Variants in TNKS observed in about 807,000 individuals in gnomAD.
TNKS encodes the protein tankyrase.
TNKS carries 72 observed loss-of-function variants against 135.8 expected under a neutral mutation model. The observed-to-expected ratio is 0.53, with a 90% CI of 0.44 to 0.64. TNKS has a LOEUF of 0.64. TNKS is among the 30% of genes least tolerant of loss of function. The probability of loss-of-function intolerance (pLI) is 0.00; values close to 1 mark genes in which losing one functional copy is unlikely to be tolerated. For synonymous variants in TNKS, 849 were observed against 649.3 expected (o/e 1.31, Z -4.68); for missense variants, 1,769 against 1,674.0 (o/e 1.06, Z -0.99).
chr8:9,735,452 G>A lies in TNKS; in HGVS notation c.2609G>A (p.Gly870Asp). The A allele has an allele frequency of 6.2e-7, 1 of 1,614,062 alleles. No homozygotes were observed. The highest frequency in any genetic ancestry group is 2.2e-5 in the East Asian group (1 of 44,860). ...GATGTTAATGCCCAGGACAAGGGTGGTTTAATTCCTCTTCATAATGCGGCA... is the reference window on the plus strand; with the variant it reads ...GATGTTAATGCCCAGGACAAGGGTGATTTAATTCCTCTTCATAATGCGGCA... Reference protein sequence around the residue: ...GADVNAQDKGGLIPLHNAASY... With the variant: ...GADVNAQDKGDLIPLHNAASY... The change falls in exon 17 of 27, where the codon GGT becomes GAT. Residue 870 changes from glycine (G) to aspartate (D), a missense_variant. By Grantham distance (94) the Gly-to-Asp change is moderately conservative (BLOSUM62 -1). This residue lies in a region of TNKS where 722 missense variants were observed against 688.9 expected (regional missense o/e 1.05). Coordinates refer to ENST00000310430, the MANE Select transcript of TNKS (RefSeq NM_003747.3).
chr8:9,676,494 T>A (rs990154023), intron 3 of TNKS, among the ~76,000 whole-genome samples: 1 of 152,234 alleles, frequency 6.6e-6, no homozygotes, highest in Admixed American at 6.5e-5. Context: ...GATAAGTCAG[T>A]AATCATGACT....
intron 3 of TNKS, among the ~76,000 whole-genome samples, chr8:9,621,594 G>A (rs1453175798): frequency 3.3e-5 from 5 of 151,786 alleles, no homozygotes; most frequent in African/African-American, 1.2e-4. Context: ...GCTTATTTTT[G>A]TTTTTTTCTT....
At chr8:9,576,675 C>T (rs1375740079) in intron 1 of TNKS, among the ~76,000 whole-genome samples, 3 of 151,992 alleles carry the variant, frequency 2.0e-5, no homozygotes, top group Admixed American at 6.5e-5. Context: ...AATCACTTCC[C>T]ACCAGGCCCC....
chr8:9,765,773 C>G lies in TNKS; in HGVS notation c.3529C>G (p.His1177Asp). Residue 1177 changes from histidine (H) to aspartate (D), a missense_variant, in exon 24 of 27, where the codon CAC becomes GAC. Around this residue, in one of 5 missense-constraint regions of TNKS, gnomAD observed 722 missense variants for 688.9 expected, o/e 1.05. Transcript: ENST00000310430. ...KEVSEENHNH[H>D]NERMLFHGSP... Reference sequence around the variant, plus strand: ...AGTGTCTGAGGAGAATCACAACCATCACAATGAGCGCATGTTGTTTCATGG... The same window carrying G: ...AGTGTCTGAGGAGAATCACAACCATGACAATGAGCGCATGTTGTTTCATGG... 1 of 1,613,928 alleles carries G rather than the reference C, an allele frequency of 6.2e-7. No homozygotes were observed.
At chr8:9,556,877 A>G in intron 1 of TNKS, 1 of 568,192 alleles carries the variant, frequency 1.8e-6, no homozygotes, top group Non-Finnish European at 3.1e-6. Flanking sequence ...GTCTCTGCAT[A>G]TGGATATATT....
Position 9,706,950 on chromosome 8 carries a change from GTGC to G in TNKS, c.1412_1414del (p.Ala471del). ...ACATTAGTCAACTGCCATGGCAAAA[GTGC>G]TGTGGATATGGCTCCAACTCCGGAG... is the stretch of plus-strand genomic sequence containing the variant. On this transcript the variant is annotated inframe_deletion, in exon 8 of 27. Transcript: ENST00000310430. 1 of 1,613,200 alleles carries G rather than the reference GTGC, an allele frequency of 6.2e-7. No individual in the cohort carries two copies. Among genetic ancestry groups the G allele is most frequent in the Non-Finnish European group, 8.5e-7 (1 of 1,179,660 alleles).
intron 3 of TNKS, among the ~76,000 whole-genome samples, chr8:9,677,794 G>A (rs1802607098): frequency 6.6e-6 from 1 of 152,052 alleles, no homozygotes; most frequent in Non-Finnish European, 1.5e-5. Context: ...TTTCTTCTCT[G>A]TCTCGTCCAT....
chr8:9,719,572 A>G (rs550557094), intron 11 of TNKS, among the ~76,000 whole-genome samples: 21 of 152,314 alleles, frequency 1.4e-4, no homozygotes, highest in African/African-American at 5.1e-4. Context: ...CTTCTTGGAG[A>G]TGAGGAGACT....
chr8:9,617,176 A>G (rs927006137), intron 3 of TNKS, among the ~76,000 whole-genome samples: 1 of 152,226 alleles, frequency 6.6e-6, no homozygotes, highest in South Asian at 2.1e-4. Context: ...CTATATCCTA[A>G]TTTGTAATGA....
intron 18 of TNKS, among the ~76,000 whole-genome samples, 197 bp downstream of exon 18, chr8:9,748,409 T>G (rs1806353336): frequency 6.6e-6 from 1 of 152,246 alleles, no homozygotes; most frequent in East Asian, 1.9e-4. Context: ...GTAAGTTAAT[T>G]TAATTTTTTG....
chr8:9,661,368 A>C (rs980455662), intron 3 of TNKS, among the ~76,000 whole-genome samples: 26 of 152,338 alleles, frequency 1.7e-4, no homozygotes, highest in Non-Finnish European at 3.1e-4. Context: ...ACAGCATGGT[A>C]CTGGTACCAA....
chr8:9,565,760 G>C, intron 1 of TNKS, among the ~76,000 whole-genome samples: 1 of 152,064 alleles, frequency 6.6e-6, no homozygotes, highest in Admixed American at 6.5e-5. Context: ...GGGAGGCTGA[G>C]GCAGGAGAAT....
chr8:9,639,517 GC>G (rs1254933337), intron 3 of TNKS, among the ~76,000 whole-genome samples: 1 of 143,810 alleles, frequency 7.0e-6, no homozygotes, highest in East Asian at 2.1e-4. Context: ...GTTTATCTAA[GC>G]CTTTTTTTTT....
chr8:9,668,522 T>C (rs76988435), intron 3 of TNKS, among the ~76,000 whole-genome samples: 2,763 of 152,330 alleles, frequency 0.018, 51 homozygotes, highest in South Asian at 0.07. Context: ...TAGTTTGATA[T>C]CCTTATGATT....
In TNKS at chr8:9,730,973, C is replaced by T. The variant is rs777558058; in HGVS notation, c.2085C>T (p.Asn695=). Residue 695 remains asparagine, a synonymous_variant, in exon 14 of 27, where the codon AAC becomes AAT. Transcript: ENST00000310430. The part of the protein sequence containing the change: ...STPLHFAAGY[N]RVSVVEYLLH... The stretch of plus-strand genomic sequence containing the variant: ...CCTTACACTTCGCAGCAGGCTACAA[C>T]CGCGTGTCTGTTGTAGAGTACCTGC... 3 of 1,614,054 alleles carry T rather than the reference C, an allele frequency of 1.9e-6. No homozygotes were observed. Among genetic ancestry groups the T allele is most frequent in the Non-Finnish European group, 2.5e-6 (3 of 1,179,964 alleles).
intron 3 of TNKS, among the ~76,000 whole-genome samples, chr8:9,674,034 C>G (rs1726940024): frequency 1.3e-5 from 2 of 152,134 alleles, no homozygotes; most frequent in Admixed American, 1.3e-4. Context: ...AATTGTTTAA[C>G]TGCTTACTCT....
At chr8:9,664,251 G>A (rs1015166438) in intron 3 of TNKS, among the ~76,000 whole-genome samples, 4 of 152,196 alleles carry the variant, frequency 2.6e-5, no homozygotes, top group Non-Finnish European at 5.9e-5. Flanking sequence ...GTGAGGGGGA[G>A]TCAGCATGTG....
chr8:9,723,420 C>CT (rs11421347), intron 12 of TNKS, among the ~76,000 whole-genome samples: 106,340 of 151,748 alleles, frequency 0.7, 37,787 homozygotes, highest in Admixed American at 0.8. Context: ...CTTGTTAATA[C>CT]GGGTTTGAGA....
chr8:9,714,961 C>T (rs998667179), intron 11 of TNKS, among the ~76,000 whole-genome samples: 2 of 152,088 alleles, frequency 1.3e-5, no homozygotes, highest in African/African-American at 4.8e-5. Flanking sequence ...GGAGCAAGTA[C>T]GGTCCCTGGT....
Sources: allele counts gnomAD v4.1 joint callset (sites outside exome capture counted in the v4.1 genomes callset), GRCh38; gene constraint gnomAD v4.1.1; regional missense constraint gnomAD v4.1.1; transcripts MANE v1.5; gene names NCBI Gene and HGNC (gene_info 2026-07-23, HGNC 2026-07-21).